RUNX1: variants seen among roughly 807,000 people sequenced by gnomAD.
The protein encoded by RUNX1 is RUNX family transcription factor 1, also known as runt-related transcription factor 1.
In RUNX1, 19 loss-of-function variants were observed where a neutral mutation model predicts 42.8. That is an observed-to-expected ratio of 0.44 (90% CI 0.31 to 0.65). RUNX1 has a LOEUF of 0.65. RUNX1 is among the 30% of genes least tolerant of loss of function. The probability of loss-of-function intolerance (pLI) is 0.07; values close to 1 mark genes in which losing one functional copy is unlikely to be tolerated. For synonymous variants in RUNX1, 271 were observed against 289.4 expected (o/e 0.94, Z 0.64); for missense variants, 528 against 672.0 (o/e 0.79, Z 2.37).
At chr21:35,007,978 C>T (rs972972315) in intron 2 of RUNX1, among the ~76,000 whole-genome samples, 2 of 152,040 alleles carry the variant, frequency 1.3e-5, no homozygotes, top group Admixed American at 6.6e-5. Context: ...CTGTTATTTC[C>T]ATTGCCTCCT....
intron 2 of RUNX1, among the ~76,000 whole-genome samples, chr21:35,035,860 T>C (rs765225163): frequency 6.6e-6 from 1 of 152,172 alleles, no homozygotes; most frequent in Non-Finnish European, 1.5e-5. Context: ...GTGGTTGTGA[T>C]TGAAAAGAGG....
At chr21:34,842,548 T>C (rs1372787755) in intron 6 of RUNX1, among the ~76,000 whole-genome samples, 3 of 133,742 alleles carry the variant, frequency 2.2e-5, no homozygotes, top group Admixed American at 1.4e-4. Flanking sequence ...TTTATTTTCA[T>C]AGTGAAAAAT....
chr21:34,982,550 T>C (rs1054189016), intron 2 of RUNX1, among the ~76,000 whole-genome samples: 30 of 152,236 alleles, frequency 2.0e-4, no homozygotes, highest in African/African-American at 6.5e-4. Flanking sequence ...ATGATTGCGA[T>C]ACTATTACTA....
chr21:34,818,982 G>A (rs1275473557), intron 7 of RUNX1, among the ~76,000 whole-genome samples: 1 of 152,170 alleles, frequency 6.6e-6, no homozygotes, highest in Non-Finnish European at 1.5e-5. Context: ...GGGAGGAGGG[G>A]AAAGGAAAGC....
rs2057885323 is a variant in RUNX1 at position 34,880,590 on chromosome 21, T to C, written c.475A>G (p.Asn159Asp). ...CTTCGACCGACAAACCTGAGGTCAT[T>C]AAATCTTGCAACCTGGTTCTTCATG... ...AAMKNQVARF[N>D]DLRFVGRSGR... Residue 159 changes from asparagine to aspartate, a missense_variant, in exon 5 of 9, where the codon AAT becomes GAT. Around this residue, in one of 3 missense-constraint regions of RUNX1, gnomAD observed 83 missense variants for 174.5 expected, o/e 0.48. Coordinates refer to ENST00000675419, the MANE Select transcript of RUNX1 (RefSeq NM_001754.5). The C allele has an allele frequency of 3.7e-6, 6 of 1,614,120 alleles. No individual in the cohort carries two copies. Among genetic ancestry groups the C allele is most frequent in the Non-Finnish European group, 5.1e-6 (6 of 1,180,002 alleles).
intron 7 of RUNX1, among the ~76,000 whole-genome samples, chr21:34,813,854 T>A (rs2056790190): frequency 6.6e-6 from 1 of 151,230 alleles, no homozygotes; most frequent in Non-Finnish European, 1.5e-5. Flanking sequence ...GCCAGCCCCA[T>A]CTCAGAGAAA....
chr21:34,979,653 T>C (rs1054791459), intron 2 of RUNX1, among the ~76,000 whole-genome samples: 1 of 152,242 alleles, frequency 6.6e-6, no homozygotes, highest in Non-Finnish European at 1.5e-5. Flanking sequence ...TACCTTTTGC[T>C]CAATGTTTGC....
intron 2 of RUNX1, among the ~76,000 whole-genome samples, chr21:34,998,831 G>A (rs143776222): frequency 1.2e-4 from 18 of 152,240 alleles, no homozygotes; most frequent in South Asian, 6.2e-4. Context: ...GTGAGCCACC[G>A]TGCCCGGCCT....
rs144566553 is a variant in RUNX1, at chr21:34,990,621, G to A, written c.58+58221C>T. ...TACCACTGGGGCTCTTCCATTAACG[G>A]ATATAATGTTGGGATATGAGGAATA... On this transcript the variant is annotated intron_variant, in intron 2 of 8. Coordinates refer to ENST00000675419, the MANE Select transcript of RUNX1 (RefSeq NM_001754.5). Among the ~76,000 whole-genome samples the A allele has an allele frequency of 3.7e-3, 558 of 151,962 alleles. 4 individuals carry two copies. Among genetic ancestry groups the A allele is most frequent in the Non-Finnish European group, 6.5e-3 (440 of 67,980 alleles).
At chr21:34,874,686 AAC>A (rs1289212576) in intron 5 of RUNX1, among the ~76,000 whole-genome samples, 2 of 151,532 alleles carry the variant, frequency 1.3e-5, no homozygotes, top group Admixed American at 6.6e-5. Context: ...TTAAAAAAAA[AAC>A]AACAAAAAAA....
chr21:34,795,094 T>C (rs575298626), intron 8 of RUNX1, among the ~76,000 whole-genome samples: 1 of 152,312 alleles, frequency 6.6e-6, no homozygotes, highest in East Asian at 1.9e-4. Flanking sequence ...AAACATGAAT[T>C]CATTGTTTTA....
At chr21:34,818,677 A>G (rs2056865714) in intron 7 of RUNX1, among the ~76,000 whole-genome samples, 1 of 152,208 alleles carries the variant, frequency 6.6e-6, no homozygotes, top group Non-Finnish European at 1.5e-5. Flanking sequence ...AGACTCAACA[A>G]TTTAAGGCTT....
chr21:34,791,989 A>G lies in RUNX1; in HGVS notation c.*146T>C. ...CTGCGCGGGCCTGACCTACAGCGAGATCCTGGCCGTCGGGCGCCCTCGGCC... is the reference window on the plus strand; with the variant it reads ...CTGCGCGGGCCTGACCTACAGCGAGGTCCTGGCCGTCGGGCGCCCTCGGCC... On this transcript the variant is annotated 3_prime_UTR_variant, in exon 9 of 9. Coordinates refer to ENST00000675419, the MANE Select transcript of RUNX1 (RefSeq NM_001754.5). 1 of 474,136 alleles carries G rather than the reference A, an allele frequency of 2.1e-6. No individual in the cohort carries two copies. The allele number at this position is 474,136 out of a possible 1,614,324, so 29.4% of individuals were successfully genotyped here. A position where few individuals can be genotyped will look rare whatever the true frequency, so the allele number is the denominator to read the frequency against.
At chr21:34,976,128 CA>C (rs34633513) in intron 2 of RUNX1, among the ~76,000 whole-genome samples, 44,616 of 119,426 alleles carry the variant, frequency 0.37, 6,512 homozygotes, top group East Asian at 0.43. Context: ...TTGGTCTTTC[CA>C]AAAAAAAAAA....
At chr21:34,866,145 T>C (rs2057658462) in intron 5 of RUNX1, among the ~76,000 whole-genome samples, 1 of 152,164 alleles carries the variant, frequency 6.6e-6, no homozygotes, top group African/African-American at 2.4e-5. Flanking sequence ...AACTTGCCCT[T>C]TGTCACGCAA....
chr21:34,937,088 C>T (rs560929246), intron 2 of RUNX1, among the ~76,000 whole-genome samples: 159 of 152,236 alleles, frequency 1.0e-3, no homozygotes, highest in Non-Finnish European at 1.3e-3. Context: ...GCCTGAAGCA[C>T]GCAAGATTAT....
intron 3 of RUNX1, chr21:34,887,547 A>C (rs2058016440): frequency 8.9e-7 from 1 of 1,128,806 alleles, no homozygotes. Context: ...AATGCCTGTC[A>C]GTTTTTTGCA....
intron 6 of RUNX1, among the ~76,000 whole-genome samples, chr21:34,842,041 T>C (rs1188088934): frequency 2.6e-5 from 4 of 152,216 alleles, no homozygotes; most frequent in African/African-American, 4.8e-5. Flanking sequence ...TCCTTCATGA[T>C]TGGTGCTGTC....
intron 5 of RUNX1, among the ~76,000 whole-genome samples, chr21:34,861,074 A>G (rs61446786): frequency 0.02 from 3,106 of 152,318 alleles, 112 homozygotes; most frequent in African/African-American, 0.071. Flanking sequence ...GCAGAGCATC[A>G]GGGATGCCAG....
Sources: gnomAD v4.1 joint callset for allele counts (sites outside exome capture counted in the v4.1 genomes callset) on GRCh38, gnomAD v4.1.1 for gene constraint, gnomAD v4.1.1 regional missense constraint, MANE v1.5 for transcripts, NCBI Gene and HGNC (gene_info 2026-07-23, HGNC 2026-07-21) for gene names.